The following KANSL1L variants were observed in gnomAD, a reference collection of about 807,000 sequenced individuals.
KANSL1L encodes the protein KAT8 regulatory NSL complex subunit 1 like.
Under a neutral mutation model 108.6 loss-of-function variants are expected in KANSL1L, and 25 were observed. That is an observed-to-expected ratio of 0.23 (90% CI 0.17 to 0.32). The LOEUF is 0.32. KANSL1L is among the 10% of genes least tolerant of loss of function. The probability of loss-of-function intolerance (pLI) is 1.00; values close to 1 mark genes in which losing one functional copy is unlikely to be tolerated. For missense variants in KANSL1L, 1,137 were observed against 1,125.7 expected (o/e 1.01, Z -0.14); for synonymous variants, 405 against 395.1 (o/e 1.03, Z -0.30).
At chr2:210,149,789 C>T (rs895078605) in intron 2 of KANSL1L, among the ~76,000 whole-genome samples, 3 of 151,278 alleles carry the variant, frequency 2.0e-5, no homozygotes, top group South Asian at 2.1e-4. Flanking sequence ...GTCTTTCCCA[C>T]AAGAAATCTA....
intron 2 of KANSL1L, among the ~76,000 whole-genome samples, chr2:210,150,909 C>A (rs1250646325): frequency 2.0e-5 from 3 of 151,840 alleles, no homozygotes; most frequent in Non-Finnish European, 4.4e-5. Context: ...CTGCATAGGA[C>A]AAAACACAAT....
chr2:210,029,731 A>G, intron 10 of KANSL1L, 72 bp downstream of exon 10: 1 of 757,172 alleles, frequency 1.3e-6, no homozygotes, highest in South Asian at 1.8e-5. Context: ...TTAGCAAAAT[A>G]TAAATTATTT....
At chr2:210,088,459 G>A (rs890398946) in intron 5 of KANSL1L, 1 of 152,266 alleles carries the variant, frequency 6.6e-6, no homozygotes, top group Non-Finnish European at 1.5e-5. Context: ...AAAACAGAAA[G>A]AGGTTCTTGC....
intron 6 of KANSL1L, among the ~76,000 whole-genome samples, chr2:210,048,198 C>G (rs1473762928): frequency 6.6e-6 from 1 of 152,132 alleles, no homozygotes; most frequent in Non-Finnish European, 1.5e-5. Context: ...CAAAAGCATC[C>G]CCATAACTAT....
At chr2:210,072,155 G>A (rs1000920487) in intron 6 of KANSL1L, among the ~76,000 whole-genome samples, 1 of 152,088 alleles carries the variant, frequency 6.6e-6, no homozygotes, top group African/African-American at 2.4e-5. Flanking sequence ...TAGTTGTCAT[G>A]TATCTTTTTA....
rs574557995 is a variant in KANSL1L at position 210,131,898 on chromosome 2, C to T, written c.1089-2726G>A. Among the ~76,000 whole-genome samples, 12 of 151,966 alleles carry T rather than the reference C, an allele frequency of 7.9e-5. No individual in the cohort carries two copies. In the South Asian group the frequency reaches 2.3e-3, roughly 29 times the overall value. On this transcript the variant is annotated intron_variant, in intron 2 of 14. Coordinates refer to ENST00000281772, the MANE Select transcript of KANSL1L (RefSeq NM_152519.4). ...TTTTAGTAGACACGGGGTTTCACTA[C>T]GTTGGCTAAGCTGGGCTTCAACTCC... is the stretch of plus-strand genomic sequence containing the variant.
chr2:210,114,744 T>C (rs963883931), intron 3 of KANSL1L, among the ~76,000 whole-genome samples: 1 of 152,082 alleles, frequency 6.6e-6, no homozygotes, highest in Non-Finnish European at 1.5e-5. Flanking sequence ...TATTAATGTA[T>C]GCTTTGGGAC....
intron 5 of KANSL1L, among the ~76,000 whole-genome samples, chr2:210,087,891 T>A (rs1026573144): frequency 3.9e-5 from 6 of 152,206 alleles, no homozygotes; most frequent in African/African-American, 1.4e-4. Context: ...AATTCCAAAG[T>A]AATATTCTTA....
At chr2:210,027,544 T>C (rs1559495911) in intron 11 of KANSL1L, among the ~76,000 whole-genome samples, 194 bp from the exon 12 acceptor site, 2 of 152,234 alleles carry the variant, frequency 1.3e-5, no homozygotes, top group East Asian at 1.9e-4. Flanking sequence ...TGAGACTTTA[T>C]TTTTGGCCTT....
intron 3 of KANSL1L, among the ~76,000 whole-genome samples, chr2:210,115,042 AGGTAT>A (rs1172643194): frequency 6.6e-6 from 1 of 152,100 alleles, no homozygotes; most frequent in Non-Finnish European, 1.5e-5. Context: ...AAAACAAAAA[AGGTAT>A]AAGATATATA....
At chr2:210,168,003 A>T (rs1056131023) in intron 1 of KANSL1L, among the ~76,000 whole-genome samples, 1 of 152,086 alleles carries the variant, frequency 6.6e-6, no homozygotes, top group Admixed American at 6.5e-5. Flanking sequence ...TGGAAATTAT[A>T]TATCTTCCTT....
At chr2:210,110,567 G>T (rs2094893863) in intron 3 of KANSL1L, among the ~76,000 whole-genome samples, 2 of 152,058 alleles carry the variant, frequency 1.3e-5, no homozygotes, top group Non-Finnish European at 2.9e-5. Flanking sequence ...AGCAGAATAT[G>T]GTCAAAGACA....
chr2:210,126,152 T>C (rs751741795), intron 3 of KANSL1L, among the ~76,000 whole-genome samples: 24 of 152,168 alleles, frequency 1.6e-4, no homozygotes, highest in Non-Finnish European at 2.9e-4. Context: ...TCAGGTGCGT[T>C]TTTTATACAC....
chr2:210,101,580 C>G (rs1434185550), intron 4 of KANSL1L, among the ~76,000 whole-genome samples: 1 of 151,780 alleles, frequency 6.6e-6, no homozygotes, highest in African/African-American at 2.4e-5. Flanking sequence ...AGGGTTGATC[C>G]TATAGGATGA....
At chr2:210,064,487 T>C (rs1351459662) in intron 6 of KANSL1L, 3 of 152,102 alleles carry the variant, frequency 2.0e-5, no homozygotes, top group African/African-American at 7.2e-5. Flanking sequence ...CCTATCAGTT[T>C]ACCTCTACCT....
rs769418804 is a variant in KANSL1L, at chr2:210,075,537, C to T, written c.1755+15G>A. On this transcript the variant is annotated intron_variant, in intron 6 of 14. Coordinates refer to ENST00000281772, the MANE Select transcript of KANSL1L (RefSeq NM_152519.4). ...TGAATCTTTGATCATGTTTTCTTCC[C>T]AAAGGCAGCCTTACCTGTGGAGTCC... 3 of 1,580,928 alleles carry T rather than the reference C, an allele frequency of 1.9e-6. No homozygotes were observed. Among genetic ancestry groups the T allele is most frequent in the Non-Finnish European group, 2.6e-6 (3 of 1,151,578 alleles).
rs377280969 is a variant in KANSL1L at position 210,085,912 on chromosome 2, TTAAA to T, written c.1551-10160_1551-10157del. ...TAAACTATGTATATATTTATTGTAATTAAATATTTATTAATAATTATTATATATA... is the reference window on the plus strand; with the variant it reads ...TAAACTATGTATATATTTATTGTAATTATTTATTAATAATTATTATATATA... On this transcript the variant is annotated intron_variant, in intron 5 of 14. Transcript: ENST00000281772. 5.1e-4 allele frequency among the ~76,000 whole-genome samples: 77 copies of T among 149,652 alleles called. 1 individual carries two copies. The East Asian group carries it at 0.013, about 26-fold the overall frequency.
chr2:210,069,087 A>AT (rs1253011785), intron 6 of KANSL1L, among the ~76,000 whole-genome samples: 1 of 152,186 alleles, frequency 6.6e-6, no homozygotes, highest in East Asian at 1.9e-4. Flanking sequence ...GAGAAACCAG[A>AT]TAACAAATCC....
In KANSL1L at chr2:210,043,096, A is replaced by G. The variant is rs561553477; in HGVS notation, c.1921+843T>C. ...ACAAGAGTGTAAAGGTTCCACAAAA[A>G]TCAAGAACTGAAAATTTAAAACCAC... On this transcript the variant is annotated intron_variant, in intron 7 of 14. Coordinates refer to ENST00000281772, the MANE Select transcript of KANSL1L (RefSeq NM_152519.4). Among the ~76,000 whole-genome samples, 6 of 152,288 alleles carry G rather than the reference A, an allele frequency of 3.9e-5. No individual in the cohort carries two copies. The South Asian group carries it at 1.2e-3, about 32-fold the overall frequency.
Sources: gnomAD v4.1 joint callset for allele counts (sites outside exome capture counted in the v4.1 genomes callset) on GRCh38, gnomAD v4.1.1 for gene constraint, MANE v1.5 for transcripts, NCBI Gene and HGNC (gene_info 2026-07-23, HGNC 2026-07-21) for gene names.